Variants in DIP2B observed in about 807,000 individuals in gnomAD.
DIP2B encodes DIP2 acetate--CoA ligase B (putative).
DIP2B carries 76 observed loss-of-function variants against 198.0 expected under a neutral mutation model. The ratio of observed to expected loss-of-function variants is 0.38; its 90% CI spans 0.32 to 0.46. DIP2B has a LOEUF of 0.46. Ranked by LOEUF, DIP2B falls within the 20% of genes least tolerant of loss-of-function variation. The pLI, the probability that DIP2B is intolerant of heterozygous loss-of-function variation, is 0.99. For missense variants in DIP2B, 1,559 were observed against 1,978.4 expected (o/e 0.79, Z 4.02); for synonymous variants, 701 against 739.1 (o/e 0.95, Z 0.84).
chr12:50,548,722 C>T (rs545041370), intron 1 of DIP2B, among the ~76,000 whole-genome samples: 104 of 152,202 alleles, frequency 6.8e-4, no homozygotes, highest in African/African-American at 2.1e-3. Context: ...GATGGGGTTT[C>T]GGCATGTTGG....
At chr12:50,732,812 G>A (rs543197118) in intron 32 of DIP2B, among the ~76,000 whole-genome samples, 78 of 152,322 alleles carry the variant, frequency 5.1e-4, no homozygotes, top group African/African-American at 1.7e-3. Flanking sequence ...CAGTGTTGGT[G>A]TTTACTTGAG....
intron 1 of DIP2B, among the ~76,000 whole-genome samples, chr12:50,623,495 G>A (rs1318721473): frequency 8.8e-6 from 1 of 113,640 alleles, no homozygotes; most frequent in Non-Finnish European, 1.8e-5. Context: ...AAACAATTTA[G>A]TATATAGCCT....
chr12:50,691,265 C>A, intron 13 of DIP2B, 114 bp downstream of exon 13: 3 of 928,150 alleles, frequency 3.2e-6, no homozygotes, highest in Non-Finnish European at 4.8e-6. Flanking sequence ...TGAAATGTCC[C>A]AAGACACATT....
intron 1 of DIP2B, among the ~76,000 whole-genome samples, chr12:50,570,202 T>C (rs1437389255): frequency 2.0e-5 from 3 of 152,260 alleles, no homozygotes; most frequent in Non-Finnish European, 4.4e-5. Flanking sequence ...TCTTGATATC[T>C]TGAAATCTTG....
intron 1 of DIP2B, among the ~76,000 whole-genome samples, chr12:50,543,105 C>T (rs1290671506): frequency 6.6e-6 from 1 of 152,144 alleles, no homozygotes; most frequent in Middle Eastern, 3.4e-3. Context: ...AACTCCTGGG[C>T]TCAAGCGATT....
rs1033775613 is a variant in DIP2B at position 50,695,954 on chromosome 12, T to G, written c.1920T>G (p.Asp640Glu). The G allele has an allele frequency of 6.2e-7, 1 of 1,614,110 alleles. No homozygotes were observed. The highest frequency in any genetic ancestry group is 2.2e-5 in the East Asian group (1 of 44,890). Reference protein sequence around the residue: ...LSSLRMLIVTDGANPWSVSSC... With the variant: ...LSSLRMLIVTEGANPWSVSSC... ...CCCTCCGAATGTTAATTGTGACTGA[T>G]GGAGCTAACCCCTGTGAGTATTTCT... Residue 640 changes from aspartate (D) to glutamate (E), a missense_variant, in exon 16 of 38, where the codon GAT becomes GAG. Asp to Glu is a conservative substitution (Grantham distance 45). Transcript: ENST00000301180.
chr12:50,579,632 A>T (rs1958698582), intron 1 of DIP2B, among the ~76,000 whole-genome samples: 1 of 33,556 alleles, frequency 3.0e-5, no homozygotes, highest in Non-Finnish European at 5.3e-5. Context: ...AAAAAAAAAA[A>T]AAAAAAAAAA....
intron 3 of DIP2B, among the ~76,000 whole-genome samples, chr12:50,658,254 A>C (rs1038283567): frequency 6.6e-6 from 1 of 152,032 alleles, no homozygotes; most frequent in African/African-American, 2.4e-5. Context: ...CTTCTGCCTC[A>C]GCCTCCTGAG....
chr12:50,577,666 A>T (rs1211341321), intron 1 of DIP2B, among the ~76,000 whole-genome samples: 1 of 151,722 alleles, frequency 6.6e-6, no homozygotes, highest in Non-Finnish European at 1.5e-5. Context: ...AAAACAAAAA[A>T]TAATAGGTAG....
intron 1 of DIP2B, among the ~76,000 whole-genome samples, chr12:50,513,369 A>G (rs1048565225): frequency 6.6e-6 from 1 of 152,192 alleles, no homozygotes; most frequent in Non-Finnish European, 1.5e-5. Flanking sequence ...GGTCTGTTTC[A>G]TACAGACATC....
At chr12:50,650,816 A>G (rs1485001146) in intron 3 of DIP2B, among the ~76,000 whole-genome samples, 2 of 152,146 alleles carry the variant, frequency 1.3e-5, no homozygotes, top group Non-Finnish European at 2.9e-5. Flanking sequence ...TTATTTGGAG[A>G]TATATCCAGA....
intron 12 of DIP2B, among the ~76,000 whole-genome samples, chr12:50,689,031 A>G (rs1176229872): frequency 6.6e-6 from 1 of 152,182 alleles, no homozygotes; most frequent in African/African-American, 2.4e-5. Context: ...GGGAGTTATT[A>G]AAGGGTTGTC....
chr12:50,524,959 C>T (rs1232399574), intron 1 of DIP2B, among the ~76,000 whole-genome samples: 3 of 152,126 alleles, frequency 2.0e-5, no homozygotes, highest in Admixed American at 6.5e-5. Flanking sequence ...TTCTTGGGCT[C>T]GAGCAATCCT....
chr12:50,552,811 T>A (rs1172712734), intron 1 of DIP2B, among the ~76,000 whole-genome samples: 3 of 152,150 alleles, frequency 2.0e-5, no homozygotes, highest in Admixed American at 6.5e-5. Flanking sequence ...TTAAATTTTT[T>A]AAAATAAACT....
At chr12:50,725,211 C>T (rs1319517183) in intron 28 of DIP2B, among the ~76,000 whole-genome samples, 4 of 152,138 alleles carry the variant, frequency 2.6e-5, no homozygotes, top group Admixed American at 2.6e-4. Flanking sequence ...CTGATCCTTT[C>T]GTTCGAGATG....
chr12:50,708,693 A>G (rs1592137303), intron 22 of DIP2B, 131 bp downstream of exon 22: 2 of 687,510 alleles, frequency 2.9e-6, no homozygotes, highest in Non-Finnish European at 5.0e-6. Context: ...TCTGGGTACT[A>G]CTAGCAAAAT....
chr12:50,698,234 G>T, intron 17 of DIP2B, 94 bp from the exon 18 acceptor site: 1 of 1,447,088 alleles, frequency 6.9e-7, no homozygotes, highest in Non-Finnish European at 9.2e-7. Flanking sequence ...AATTTTTTTG[G>T]TATTGTAGCC....
At chr12:50,642,251 A>G (rs1212707759) in intron 3 of DIP2B, among the ~76,000 whole-genome samples, 3 of 152,188 alleles carry the variant, frequency 2.0e-5, no homozygotes, top group African/African-American at 7.2e-5. Flanking sequence ...AGCCAGGGAA[A>G]TAGTGTTCAG....
At chr12:50,587,539 C>T (rs1958781441) in intron 1 of DIP2B, among the ~76,000 whole-genome samples, 1 of 152,128 alleles carries the variant, frequency 6.6e-6, no homozygotes, top group Non-Finnish European at 1.5e-5. Context: ...TACTTTAAAT[C>T]ATAGAGGTGT....
Sources: gnomAD v4.1 joint callset for allele counts (sites outside exome capture counted in the v4.1 genomes callset) on GRCh38, gnomAD v4.1.1 for gene constraint, MANE v1.5 for transcripts, NCBI Gene and HGNC (gene_info 2026-07-23, HGNC 2026-07-21) for gene names.